Variants in CSMD1 observed in about 807,000 individuals in gnomAD.
CSMD1 encodes CUB and sushi domain-containing protein 1.
A neutral mutation model predicts 417.5 loss-of-function variants in CSMD1; 213 were observed. The observed-to-expected ratio is 0.51, with a 90% CI of 0.46 to 0.57. The LOEUF is 0.57. Among genes scored for constraint, CSMD1 ranks in the 20% least tolerant of loss-of-function variants. The probability of loss-of-function intolerance (pLI) is 0.00; values close to 1 mark genes in which losing one functional copy is unlikely to be tolerated. For missense variants in CSMD1, 6,923 were observed against 4,529.7 expected (o/e 1.53, Z -15.17); for synonymous variants, 2,862 against 1,736.8 (o/e 1.65, Z -16.11).
At chr8:4,330,966 C>T (rs768186487) in intron 3 of CSMD1, among the ~76,000 whole-genome samples, 17 of 152,074 alleles carry the variant, frequency 1.1e-4, no homozygotes, top group Non-Finnish European at 1.8e-4. Flanking sequence ...AAATGCAAGA[C>T]CCCCCGACAT....
At chr8:3,921,945 G>C (rs762248666) in intron 5 of CSMD1, among the ~76,000 whole-genome samples, 1 of 152,094 alleles carries the variant, frequency 6.6e-6, no homozygotes, top group Non-Finnish European at 1.5e-5. Flanking sequence ...TTATTGATTT[G>C]ATGTCTGGAT....
intron 26 of CSMD1, among the ~76,000 whole-genome samples, chr8:3,262,913 G>C (rs1801184494): frequency 6.6e-6 from 1 of 152,088 alleles, no homozygotes; most frequent in African/African-American, 2.4e-5. Context: ...CATTGCAAGA[G>C]AAAACTCAGT....
intron 2 of CSMD1, among the ~76,000 whole-genome samples, chr8:4,431,942 C>A (rs961013182): frequency 1.3e-5 from 2 of 151,984 alleles, no homozygotes; most frequent in Non-Finnish European, 2.9e-5. Flanking sequence ...TTCAAATAAA[C>A]ACAGTATTGT....
chr8:4,644,509 T>A (rs536330546), intron 1 of CSMD1, among the ~76,000 whole-genome samples: 3 of 152,228 alleles, frequency 2.0e-5, no homozygotes, highest in South Asian at 4.1e-4. Flanking sequence ...CAGGTTCAAG[T>A]GATCCTCCCG....
At chr8:4,779,330 G>A (rs902149200) in intron 1 of CSMD1, among the ~76,000 whole-genome samples, 2 of 152,074 alleles carry the variant, frequency 1.3e-5, no homozygotes, top group Non-Finnish European at 1.5e-5. Flanking sequence ...AAAATCAAGG[G>A]AAACTAACTC....
intron 23 of CSMD1, among the ~76,000 whole-genome samples, chr8:3,313,934 G>C (rs570655740): frequency 6.6e-6 from 1 of 152,162 alleles, no homozygotes; most frequent in Admixed American, 6.5e-5. Flanking sequence ...GGAATACTAT[G>C]CAGCCATAAA....
At chr8:4,664,788 A>C (rs1804812742) in intron 1 of CSMD1, among the ~76,000 whole-genome samples, 1 of 152,160 alleles carries the variant, frequency 6.6e-6, no homozygotes, top group Non-Finnish European at 1.5e-5. Context: ...AACTATGGAA[A>C]TTATGGCATC....
At chr8:4,807,938 A>T (rs189501415) in intron 1 of CSMD1, among the ~76,000 whole-genome samples, 16 of 152,328 alleles carry the variant, frequency 1.1e-4, no homozygotes, top group Non-Finnish European at 1.5e-4. Flanking sequence ...TCTAAATTCA[A>T]TAAAGCCCAC....
intron 4 of CSMD1, among the ~76,000 whole-genome samples, chr8:4,015,183 T>C (rs994469562): frequency 6.6e-6 from 1 of 152,226 alleles, no homozygotes; most frequent in South Asian, 2.1e-4. Flanking sequence ...CATTCAGTCT[T>C]ACTTTGTATT....
At chr8:3,573,307 A>C (rs1800018199) in intron 10 of CSMD1, among the ~76,000 whole-genome samples, 1 of 152,204 alleles carries the variant, frequency 6.6e-6, no homozygotes, top group Admixed American at 6.5e-5. Context: ...GATTGCAAGT[A>C]CTGAAAAATA....
chr8:3,475,022 C>A (rs543854125), intron 11 of CSMD1, among the ~76,000 whole-genome samples: 1 of 152,108 alleles, frequency 6.6e-6, no homozygotes, highest in Admixed American at 6.6e-5. Context: ...TCAGCTCCAG[C>A]CATATTTATT....
At chr8:4,729,556 T>G (rs1470683203) in intron 1 of CSMD1, among the ~76,000 whole-genome samples, 1 of 152,166 alleles carries the variant, frequency 6.6e-6, no homozygotes, top group African/African-American at 2.4e-5. Flanking sequence ...AATGATGCAT[T>G]AGGCAAATTT....
chr8:4,652,183 T>C (rs1012275043), intron 1 of CSMD1, among the ~76,000 whole-genome samples: 6 of 152,050 alleles, frequency 3.9e-5, no homozygotes, highest in South Asian at 4.2e-4. Flanking sequence ...CATTGAGGGA[T>C]TGCATTAAAT....
chr8:3,991,332 G>C (rs1226618912), intron 5 of CSMD1, among the ~76,000 whole-genome samples: 1 of 152,194 alleles, frequency 6.6e-6, no homozygotes, highest in African/African-American at 2.4e-5. Context: ...TTGTGGCGTA[G>C]TCTGGGATGG....
At chr8:4,593,256 A>C (rs1040076317) in intron 2 of CSMD1, among the ~76,000 whole-genome samples, 4 of 152,224 alleles carry the variant, frequency 2.6e-5, no homozygotes, top group African/African-American at 9.6e-5. Flanking sequence ...CCGCAGGAAC[A>C]TGAGCGTTAA....
At chr8:3,290,820 T>C (rs1439710295) in intron 25 of CSMD1, among the ~76,000 whole-genome samples, 1 of 131,996 alleles carries the variant, frequency 7.6e-6, no homozygotes, top group Non-Finnish European at 1.5e-5. Flanking sequence ...TCTTTATTTC[T>C]TTCTCGTGCC....
At chr8:3,926,071 C>A (rs1181367806) in intron 5 of CSMD1, among the ~76,000 whole-genome samples, 5 of 119,980 alleles carry the variant, frequency 4.2e-5, no homozygotes, top group East Asian at 2.7e-4. Context: ...CACACACACA[C>A]ACAAACACCA....
chr8:4,794,145 ACAGT>A (rs1797847099), intron 1 of CSMD1, among the ~76,000 whole-genome samples: 3 of 152,210 alleles, frequency 2.0e-5, no homozygotes, highest in African/African-American at 4.8e-5. Flanking sequence ...TCTCTAATAG[ACAGT>A]CAAACTCAAT....
chr8:4,295,666 TTA>T lies in CSMD1; in HGVS notation c.415+124285_415+124286del, dbSNP rs200247932. Reference sequence around the variant, plus strand: ...AATATATAAAAATATAATCTTAAGATTACATATGTTATATTATACATGTTATA... The same window carrying T: ...AATATATAAAAATATAATCTTAAGATCATATGTTATATTATACATGTTATA... On this transcript the variant is annotated intron_variant, in intron 3 of 69. Coordinates refer to ENST00000635120, the MANE Select transcript of CSMD1 (RefSeq NM_033225.6). Among the ~76,000 whole-genome samples the T allele has an allele frequency of 9.0e-3, 1,299 of 144,630 alleles. 19 individuals are homozygous for T. Among genetic ancestry groups the T allele is most frequent in the African/African-American group, 0.032 (1,258 of 39,902 alleles). 94.9% of individuals were successfully genotyped at this position (144,630 alleles called of 152,430 possible).
Sources: gnomAD v4.1 joint callset for allele counts (sites outside exome capture counted in the v4.1 genomes callset) on GRCh38, gnomAD v4.1.1 for gene constraint, MANE v1.5 for transcripts, NCBI Gene and HGNC (gene_info 2026-07-23, HGNC 2026-07-21) for gene names.